Variants in GPSM1 observed in about 807,000 individuals in gnomAD.
GPSM1 encodes G protein signaling modulator 1.
In GPSM1, 48 loss-of-function variants were observed where a neutral mutation model predicts 70.5. That is an observed-to-expected ratio of 0.68 (90% CI 0.54 to 0.87). The LOEUF (loss-of-function observed/expected upper bound fraction) is 0.87, where lower values mean the gene tolerates loss of function less well. GPSM1 is among the 40% of genes least tolerant of loss of function. GPSM1 has a pLI of 0.00. For synonymous variants in GPSM1, 416 were observed against 430.1 expected, an observed-to-expected ratio of 0.97 and a Z score of 0.41; for missense variants, 981 against 972.6, an observed-to-expected ratio of 1.01 and a Z score of -0.11.
intron 2 of GPSM1, 84 bp downstream of exon 2, chr9:136,334,752 T>G (rs1348958847): frequency 2.7e-6 from 3 of 1,116,688 alleles, no homozygotes; most frequent in East Asian, 5.1e-5. Flanking sequence ...GGTGGGTGAG[T>G]GGGGCGGCCC....
intron 1 of GPSM1, chr9:136,332,202 G>A (rs1360215617): frequency 2.5e-6 from 1 of 399,142 alleles, no homozygotes; most frequent in South Asian, 1.3e-4. Context: ...GTGGTCACGT[G>A]GGTGTGGGTG....
chr9:136,353,726 C>T (rs1489758023), intron 11 of GPSM1, among the ~76,000 whole-genome samples: 8 of 152,216 alleles, frequency 5.3e-5, no homozygotes, highest in East Asian at 1.9e-4. Context: ...ACCTGGGCCC[C>T]GGGTCACCTG....
chr9:136,331,003 C>T (rs1832084923), intron 1 of GPSM1, among the ~76,000 whole-genome samples: 2 of 152,266 alleles, frequency 1.3e-5, no homozygotes, highest in South Asian at 4.1e-4. Flanking sequence ...CCTGAAGACC[C>T]CCACCTGTCC....
chr9:136,348,185 G>T (rs1218657120), intron 9 of GPSM1, among the ~76,000 whole-genome samples: 1 of 152,226 alleles, frequency 6.6e-6, no homozygotes, highest in East Asian at 1.9e-4. Flanking sequence ...AGCTGGTCTG[G>T]GGGATTCATC....
rs11145776 is a variant in GPSM1, at chr9:136,356,554, G to A, written c.1821+4G>A. 54,960 of 1,606,988 alleles carry A rather than the reference G, an allele frequency of 0.034. 1,223 individuals carry two copies. Among genetic ancestry groups the A allele is most frequent in the East Asian group, 0.11 (4,955 of 44,676 alleles). On this transcript the variant is annotated splice_donor_region_variant and intron_variant, in intron 13 of 13. Coordinates refer to ENST00000440944, the MANE Select transcript of GPSM1 (RefSeq NM_001145638.3). ...CAACATGCTCATCAAGTACCAGGTGGGCTGCGGCCCTGGGCGGGCGTGGCT... is the reference window on the plus strand; with the variant it reads ...CAACATGCTCATCAAGTACCAGGTGAGCTGCGGCCCTGGGCGGGCGTGGCT...
At chr9:136,347,082 G>A (rs987693588) in intron 9 of GPSM1, among the ~76,000 whole-genome samples, 1 of 152,092 alleles carries the variant, frequency 6.6e-6, no homozygotes, top group Non-Finnish European at 1.5e-5. Flanking sequence ...CCTGCCCCCC[G>A]ACATCTGCCT....
rs766452868 is a variant in GPSM1, at chr9:136,337,071, G to A, written c.577G>A (p.Glu193Lys). The A allele has an allele frequency of 1.1e-5, 17 of 1,550,428 alleles. No individual in the cohort carries two copies. The highest frequency in any genetic ancestry group is 4.9e-5 in the East Asian group (2 of 41,164). ...CCTGTGCAAGGCCTCCGAGTTCTAC[G>A]AGTGAGTGGGGCAGGGCCAGCCCAG... ...ETLCKASEFY[E>K]RNLSLVKELG... Residue 193 changes from glutamate to lysine, a missense_variant and splice_region_variant, in exon 4 of 14, where the codon GAG (glutamate) becomes AAG (lysine). Coordinates refer to ENST00000440944, the MANE Select transcript of GPSM1 (RefSeq NM_001145638.3).
chr9:136,337,854 C>T lies in GPSM1; in HGVS notation c.711C>T (p.Ala237=), dbSNP rs1832285041. 6.2e-7 allele frequency: 1 copy of T among 1,610,716 alleles called. No individual in the cohort carries two copies. The highest frequency in any genetic ancestry group is 8.5e-7 in the Non-Finnish European group (1 of 1,178,136). Residue 237 remains alanine, a synonymous_variant, in exon 6 of 14, where the codon GCC becomes GCT. Coordinates refer to ENST00000440944, the MANE Select transcript of GPSM1 (RefSeq NM_001145638.3). ...EATTFHKERL[A]IAKEFGDKAA... ...CCGGTGTGTCTCCGCAGCGCCTGGC[C>T]ATTGCTAAGGAGTTTGGAGACAAGG...
Position 136,343,642 on chromosome 9 carries a change from C to T in GPSM1, c.1207+2649C>T, listed in dbSNP as rs1238760954. Among the ~76,000 whole-genome samples, 3 of 152,244 alleles carry T rather than the reference C, an allele frequency of 2.0e-5. No individual in the cohort carries two copies. Among genetic ancestry groups the T allele is most frequent in the Admixed American group, 6.5e-5 (1 of 15,290 alleles). On this transcript the variant is annotated intron_variant, in intron 9 of 13. Transcript: ENST00000440944. This position sits in a 1 kb window ranked among gnomAD's most constrained non-coding sequence, Gnocchi z 6.0. ...TTTAGGCTGTGGGCTCCAGCCCTGG[C>T]CAGCTGATCAAGTGACTTGACCCAC...
At chr9:136,338,285 G>A (rs530294909) in intron 6 of GPSM1, among the ~76,000 whole-genome samples, 1 of 152,366 alleles carries the variant, frequency 6.6e-6, no homozygotes, top group African/African-American at 2.4e-5. Context: ...CCTGAGCAGT[G>A]GGCACAGCAG....
At chr9:136,344,867 G>A (rs570708234) in intron 9 of GPSM1, among the ~76,000 whole-genome samples, 5 of 152,224 alleles carry the variant, frequency 3.3e-5, no homozygotes, top group Admixed American at 6.5e-5. Context: ...CCAATGGGGC[G>A]GGGCCCTCAG....
intron 1 of GPSM1, among the ~76,000 whole-genome samples, 171 bp from the exon 2 acceptor site, chr9:136,334,276 C>CA (rs1414485223): frequency 4.6e-5 from 7 of 152,254 alleles, no homozygotes; most frequent in African/African-American, 1.7e-4. Context: ...CCTTGGGCCG[C>CA]ACACGTGCTT....
intron 8 of GPSM1, 74 bp downstream of exon 8, chr9:136,339,889 C>T (rs1554769904): frequency 1.6e-5 from 14 of 894,246 alleles, no homozygotes; most frequent in South Asian, 4.2e-5. Context: ...CCCTCTGCCC[C>T]GAGCGAGCGT....
chr9:136,328,617 C>A (rs1327942358), intron 1 of GPSM1, among the ~76,000 whole-genome samples: 1 of 152,248 alleles, frequency 6.6e-6, no homozygotes, highest in African/African-American at 2.4e-5. Context: ...CCCAAGGATT[C>A]TCTGGCCCCA....
chr9:136,330,811 G>C (rs773146471), intron 1 of GPSM1, among the ~76,000 whole-genome samples: 2 of 152,174 alleles, frequency 1.3e-5, no homozygotes, highest in African/African-American at 4.8e-5. Flanking sequence ...CCTTGGTGAT[G>C]GCACCCCAGC....
At chr9:136,327,868 C>T in intron 1 of GPSM1, 105 bp downstream of exon 1, 2 of 343,596 alleles carry the variant, frequency 5.8e-6, no homozygotes, top group Non-Finnish European at 9.2e-6. Context: ...CTCTCGCGGG[C>T]GCGCAGCGTG....
In GPSM1 at chr9:136,337,041, G is replaced by A; in HGVS notation, c.547G>A (p.Glu183Lys). 6.4e-7 allele frequency: 1 copy of A among 1,551,886 alleles called. No individual in the cohort carries two copies. Reference sequence around the variant, plus strand: ...CGGGCACCTGCCGCCCGATGTCCGAGAGACCCTGTGCAAGGCCTCCGAGTT... The same window carrying A: ...CGGGCACCTGCCGCCCGATGTCCGAAAGACCCTGTGCAAGGCCTCCGAGTT... ...DPGHLPPDVR[E>K]TLCKASEFYE... is the part of the protein sequence containing the mutation. The change falls in exon 4 of 14, where the codon GAG becomes AAG. Residue 183 changes from glutamate to lysine, a missense_variant. Physicochemically the swap from Glu to Lys is moderately conservative, Grantham distance 56. Transcript: ENST00000440944.
intron 3 of GPSM1, 60 bp from the exon 4 acceptor site, chr9:136,336,861 C>G (rs1832249793): frequency 2.7e-6 from 4 of 1,480,810 alleles, no homozygotes; most frequent in Non-Finnish European, 1.8e-6. Context: ...GGTGTGCCGG[C>G]TCTGCACATC....
intron 13 of GPSM1, 38 bp from the exon 14 acceptor site, chr9:136,357,976 G>C (rs375876301): frequency 2.6e-6 from 4 of 1,512,598 alleles, no homozygotes; most frequent in South Asian, 1.1e-5. Context: ...CACTGGGGCT[G>C]GGGGGGTGAG....
Sources: allele counts gnomAD v4.1 joint callset (sites outside exome capture counted in the v4.1 genomes callset), GRCh38; gene constraint gnomAD v4.1.1; non-coding constraint Gnocchi (gnomAD v3.1); transcripts MANE v1.5; gene names NCBI Gene and HGNC (gene_info 2026-07-23, HGNC 2026-07-21).